The following PHACTR3 variants were observed in gnomAD, a reference collection of about 807,000 sequenced individuals.
PHACTR3 encodes the protein protein phosphatase 1, regulatory subunit 123.
Under a neutral mutation model 66.8 loss-of-function variants are expected in PHACTR3, and 16 were observed. The ratio of observed to expected loss-of-function variants is 0.24; its 90% CI spans 0.16 to 0.36. The LOEUF is 0.36. Among genes scored for constraint, PHACTR3 ranks in the 10% least tolerant of loss-of-function variants. The pLI is 1.00. For synonymous variants in PHACTR3, 323 were observed against 292.1 expected, an observed-to-expected ratio of 1.11 and a Z score of -1.08; for missense variants, 647 against 719.9, an observed-to-expected ratio of 0.90 and a Z score of 1.16.
intron 1 of PHACTR3, among the ~76,000 whole-genome samples, chr20:59,579,275 G>C (rs1390427120): frequency 6.6e-6 from 1 of 152,226 alleles, no homozygotes; most frequent in Non-Finnish European, 1.5e-5. Context: ...AAATAGTTCT[G>C]CGGCCTCTGT....
At chr20:59,630,864 C>G (rs1481468029) in intron 1 of PHACTR3, among the ~76,000 whole-genome samples, 1 of 151,838 alleles carries the variant, frequency 6.6e-6, no homozygotes, top group Non-Finnish European at 1.5e-5. Flanking sequence ...CAAGGAAGCT[C>G]TAGGATTCTC....
chr20:59,759,128 T>C (rs707564), intron 4 of PHACTR3, among the ~76,000 whole-genome samples: 150,884 of 152,266 alleles, frequency 0.99, 74,762 homozygotes, highest in Middle Eastern at 1. Context: ...TCTGGTAGCA[T>C]GTGTGTTTTG....
At chr20:59,816,769 A>G (rs2041898854) in intron 8 of PHACTR3, among the ~76,000 whole-genome samples, 1 of 152,208 alleles carries the variant, frequency 6.6e-6, no homozygotes, top group South Asian at 2.1e-4. Context: ...GTGGTTGGGT[A>G]GTTAGATGGA....
At chr20:59,826,121 C>T (rs1488215059) in intron 8 of PHACTR3, among the ~76,000 whole-genome samples, 1 of 149,160 alleles carries the variant, frequency 6.7e-6, no homozygotes, top group Non-Finnish European at 1.5e-5. Flanking sequence ...GTAGCAGCCG[C>T]GCTGGGCAAG....
At chr20:59,691,804 G>A (rs2037117257) in intron 1 of PHACTR3, among the ~76,000 whole-genome samples, 1 of 152,148 alleles carries the variant, frequency 6.6e-6, no homozygotes, top group Admixed American at 6.5e-5. Context: ...TCAAAGTGAT[G>A]CTGTGAGTTT....
intron 1 of PHACTR3, among the ~76,000 whole-genome samples, chr20:59,616,777 T>C (rs906905225): frequency 3.9e-5 from 6 of 152,186 alleles, no homozygotes; most frequent in African/African-American, 1.4e-4. Context: ...TTTCCCCTAA[T>C]CCTTGCAAGT....
At chr20:59,670,612 G>GC (rs1568692724) in intron 1 of PHACTR3, among the ~76,000 whole-genome samples, 1 of 135,408 alleles carries the variant, frequency 7.4e-6, no homozygotes, top group African/African-American at 2.6e-5. Context: ...GGGTGGGGGG[G>GC]GGGGGCAGGC....
chr20:59,660,936 C>T (rs1456301918), intron 1 of PHACTR3, among the ~76,000 whole-genome samples: 1 of 152,156 alleles, frequency 6.6e-6, no homozygotes, highest in East Asian at 1.9e-4. Flanking sequence ...TCTATTTGTC[C>T]TTACATATAT....
intron 1 of PHACTR3, among the ~76,000 whole-genome samples, chr20:59,653,465 T>C (rs1601014295): frequency 6.6e-6 from 1 of 152,198 alleles, no homozygotes; most frequent in African/African-American, 2.4e-5. Flanking sequence ...ATTACAGGCG[T>C]GAGCCACTGC....
intron 1 of PHACTR3, among the ~76,000 whole-genome samples, chr20:59,707,691 C>T (rs1229954888): frequency 6.6e-6 from 1 of 151,976 alleles, no homozygotes; most frequent in Non-Finnish European, 1.5e-5. Context: ...TCTTGAACTC[C>T]TGAGCAAAAA....
intron 1 of PHACTR3, among the ~76,000 whole-genome samples, chr20:59,681,893 C>T (rs886999669): frequency 1.3e-5 from 2 of 152,022 alleles, no homozygotes; most frequent in African/African-American, 4.8e-5. Context: ...GCCTTTAATC[C>T]CAGCTACTCA....
intron 12 of PHACTR3, among the ~76,000 whole-genome samples, chr20:59,846,117 T>C (rs368366198): frequency 1.6e-4 from 24 of 152,310 alleles, no homozygotes; most frequent in African/African-American, 5.8e-4. Context: ...TTCTCCTTTA[T>C]CTGAAGATGC....
intron 1 of PHACTR3, among the ~76,000 whole-genome samples, chr20:59,737,552 GTGTC>G (rs1281701136): frequency 6.6e-6 from 1 of 151,930 alleles, no homozygotes; most frequent in African/African-American, 2.4e-5. Context: ...GTGCATGTGT[GTGTC>G]TCTGTGTGCA....
intron 1 of PHACTR3, among the ~76,000 whole-genome samples, chr20:59,721,969 G>A (rs576648500): frequency 5.3e-5 from 8 of 152,232 alleles, no homozygotes; most frequent in East Asian, 1.9e-4. Flanking sequence ...GGTGACTCAC[G>A]CCTGTAATCC....
At chr20:59,698,444 A>T (rs1263487038) in intron 1 of PHACTR3, among the ~76,000 whole-genome samples, 2 of 151,884 alleles carry the variant, frequency 1.3e-5, no homozygotes, top group Non-Finnish European at 2.9e-5. Flanking sequence ...AAAAAAAAGG[A>T]TTTCACCTTT....
intron 7 of PHACTR3, among the ~76,000 whole-genome samples, chr20:59,778,404 C>T (rs1033060546): frequency 9.2e-5 from 14 of 152,176 alleles, no homozygotes; most frequent in Admixed American, 9.2e-4. Flanking sequence ...ATGGTCCTCA[C>T]ACCCCAACCA....
chr20:59,794,143 A>AT (rs1555844422), intron 7 of PHACTR3, among the ~76,000 whole-genome samples: 1 of 150,930 alleles, frequency 6.6e-6, no homozygotes, highest in Non-Finnish European at 1.5e-5. Flanking sequence ...AAAAAAAAAA[A>AT]GAGTGGTCAT....
At chr20:59,671,857 T>C (rs2036205797) in intron 1 of PHACTR3, among the ~76,000 whole-genome samples, 1 of 152,244 alleles carries the variant, frequency 6.6e-6, no homozygotes, top group African/African-American at 2.4e-5. Flanking sequence ...ACGTGGAGAA[T>C]CCACACCTGG....
intron 1 of PHACTR3, among the ~76,000 whole-genome samples, chr20:59,701,431 G>C (rs2146611558): frequency 6.6e-6 from 1 of 152,242 alleles, no homozygotes; most frequent in Middle Eastern, 3.4e-3. Flanking sequence ...TGCCTCTTTG[G>C]CTACCATCTG....
Sources: gnomAD v4.1 joint callset for allele counts (sites outside exome capture counted in the v4.1 genomes callset) on GRCh38, gnomAD v4.1.1 for gene constraint, MANE v1.5 for transcripts, NCBI Gene and HGNC (gene_info 2026-07-23, HGNC 2026-07-21) for gene names.